Variants in TSHR observed in about 807,000 individuals in gnomAD.
The protein encoded by TSHR is thyroid stimulating hormone receptor, also known as thyrotropin receptor.
TSHR carries 51 observed loss-of-function variants against 64.1 expected under a neutral mutation model. The ratio of observed to expected loss-of-function variants is 0.80; its 90% CI spans 0.64 to 1.01. The LOEUF is 1.01. Ranked by LOEUF, TSHR falls within the 50% of genes least tolerant of loss-of-function variation. The pLI is 0.00. For missense variants in TSHR, 877 were observed against 942.8 expected (o/e 0.93, Z 0.91); for synonymous variants, 361 against 361.9 (o/e 1.00, Z 0.03).
intron 2 of TSHR, among the ~76,000 whole-genome samples, chr14:81,063,067 A>G (rs1224716780): frequency 3.9e-5 from 6 of 152,170 alleles, no homozygotes; most frequent in Admixed American, 3.9e-4. Context: ...TCTACAGTTC[A>G]TAGGACAGTC....
intron 8 of TSHR, among the ~76,000 whole-genome samples, chr14:81,136,835 TATACTC>T (rs1212174528): frequency 6.6e-6 from 1 of 152,204 alleles, no homozygotes; most frequent in African/African-American, 2.4e-5. Flanking sequence ...TGTCATTACA[TATACTC>T]AGACAAACTT....
chr14:81,054,332 C>T (rs556544047), intron 1 of TSHR, among the ~76,000 whole-genome samples: 27 of 152,278 alleles, frequency 1.8e-4, no homozygotes, highest in Middle Eastern at 3.4e-3. Context: ...TCTTTTTCTT[C>T]CCAGTCTTGG....
intron 1 of TSHR, chr14:81,013,572 C>A (rs1890033931): frequency 6.6e-6 from 1 of 152,104 alleles, no homozygotes; most frequent in Non-Finnish European, 1.5e-5. Flanking sequence ...AGTTTTCCAG[C>A]CAATAAAAAT....
intron 3 of TSHR, among the ~76,000 whole-genome samples, chr14:81,070,646 A>T (rs2139917536): frequency 6.6e-6 from 1 of 150,538 alleles, no homozygotes; most frequent in Non-Finnish European, 1.5e-5. Flanking sequence ...AAAAAAAAAA[A>T]AAAAAGCAGC....
intron 9 of TSHR, among the ~76,000 whole-genome samples, chr14:81,142,114 G>A (rs1314968659): frequency 6.6e-6 from 1 of 152,000 alleles, no homozygotes; most frequent in Non-Finnish European, 1.5e-5. Context: ...GTCTCACTCT[G>A]TCGCCACTCA....
At chr14:81,063,073 C>G (rs1454350996) in intron 2 of TSHR, among the ~76,000 whole-genome samples, 3 of 152,146 alleles carry the variant, frequency 2.0e-5, no homozygotes, top group African/African-American at 4.8e-5. Flanking sequence ...GTTCATAGGA[C>G]AGTCCCCACA....
intron 1 of TSHR, among the ~76,000 whole-genome samples, chr14:81,059,240 GA>G (rs1886049045): frequency 6.6e-6 from 1 of 152,054 alleles, no homozygotes; most frequent in Non-Finnish European, 1.5e-5. Flanking sequence ...TATTTGAAGG[GA>G]AATAGATACC....
At chr14:81,036,135 A>G (rs1418286284) in intron 1 of TSHR, among the ~76,000 whole-genome samples, 2 of 152,206 alleles carry the variant, frequency 1.3e-5, no homozygotes, top group African/African-American at 2.4e-5. Context: ...TGGGATTTCC[A>G]TAGGACAAAG....
In TSHR at chr14:81,145,078, C is replaced by G; in HGVS notation, c.*725C>G. The G allele has an allele frequency of 4.3e-6, 1 of 233,254 alleles. No homozygotes were observed. The highest frequency in any genetic ancestry group is 8.5e-6 in the Non-Finnish European group (1 of 118,066). The allele number at this position is 233,254 out of a possible 1,614,324, so 14.4% of individuals were successfully genotyped here. A position where few individuals can be genotyped will look rare whatever the true frequency, so the allele number is the denominator to read the frequency against. On this transcript the variant is annotated 3_prime_UTR_variant, in exon 10 of 10. Coordinates refer to ENST00000298171, the MANE Select transcript of TSHR (RefSeq NM_000369.5). Reference sequence around the variant, plus strand: ...CTAAGAATTGCTCTTCTTGGCCAGCCTCATAGCATAAAAGATGTGAACTCT... The same window carrying G: ...CTAAGAATTGCTCTTCTTGGCCAGCGTCATAGCATAAAAGATGTGAACTCT...
chr14:81,077,620 T>A (rs1451478014), intron 3 of TSHR, among the ~76,000 whole-genome samples: 2 of 152,218 alleles, frequency 1.3e-5, no homozygotes, highest in African/African-American at 4.8e-5. Context: ...CAGAATTGGA[T>A]CTTGCTTTTA....
intron 1 of TSHR, among the ~76,000 whole-genome samples, chr14:81,043,113 A>C (rs971183603): frequency 6.6e-6 from 1 of 152,212 alleles, no homozygotes. Context: ...AAAGAAATAA[A>C]GAGTATTCAG....
chr14:81,033,046 A>C, intron 1 of TSHR: 1 of 359,108 alleles, frequency 2.8e-6, no homozygotes, highest in South Asian at 3.1e-5. Context: ...TTTCTGGAAG[A>C]GTGAAGACAT....
At chr14:81,126,256 G>T (rs895206930) in intron 8 of TSHR, among the ~76,000 whole-genome samples, 6 of 152,208 alleles carry the variant, frequency 3.9e-5, no homozygotes, top group Admixed American at 3.9e-4. Context: ...GGATAAAGCA[G>T]TTAGTGCAAA....
At chr14:81,005,252 C>T (rs1364136858) in intron 1 of TSHR, among the ~76,000 whole-genome samples, 1 of 142,776 alleles carries the variant, frequency 7.0e-6, no homozygotes, top group Admixed American at 6.8e-5. Flanking sequence ...CACGCACGCA[C>T]GTGTATCTCT....
intron 1 of TSHR, among the ~76,000 whole-genome samples, chr14:81,015,114 T>A (rs771944208): frequency 6.6e-6 from 1 of 152,132 alleles, no homozygotes. Flanking sequence ...CTAAGCCACA[T>A]GTTATTTTTT....
intron 8 of TSHR, among the ~76,000 whole-genome samples, chr14:81,109,962 C>T (rs1029366136): frequency 1.3e-5 from 2 of 152,154 alleles, no homozygotes; most frequent in Non-Finnish European, 2.9e-5. Context: ...TTTATATCTG[C>T]TTCTTCAAGA....
At chr14:81,131,017 A>AAC (rs1374332148) in intron 8 of TSHR, among the ~76,000 whole-genome samples, 1 of 151,620 alleles carries the variant, frequency 6.6e-6, no homozygotes, top group Admixed American at 6.6e-5. Flanking sequence ...AAAAAAAAAA[A>AAC]AACACTGCTT....
In TSHR at chr14:80,955,726, C is replaced by A. The variant is rs778660440; in HGVS notation, c.46C>A (p.Pro16Thr). 1.1e-5 allele frequency: 18 copies of A among 1,614,172 alleles called. No homozygotes were observed. The South Asian group carries it at 2.0e-4, about 18-fold the overall frequency. Residue 16 changes from proline (P) to threonine (T), a missense_variant, in exon 1 of 10, where the codon CCC becomes ACC. Pro to Thr is a conservative substitution (Grantham distance 38, BLOSUM62 -1). Transcript: ENST00000298171. ...LLQLVLLLDL[P>T]RDLGGMGCSS... ...GCAGCTGGTGCTGCTGCTCGACCTGCCCAGGGACCTGGGCGGAATGGGGTG... is the reference window on the plus strand; with the variant it reads ...GCAGCTGGTGCTGCTGCTCGACCTGACCAGGGACCTGGGCGGAATGGGGTG...
At position 81,143,729 on chromosome 14, in the gene TSHR, G is replaced by A. The variant is rs1258636056; in HGVS notation, c.1671G>A (p.Leu557=). Residue 557 remains leucine (L), a synonymous_variant, in exon 10 of 10, where the codon TTG becomes TTA. Coordinates refer to ENST00000298171, the MANE Select transcript of TSHR (RefSeq NM_000369.5). ...VCCFLLALLP[L]VGISSYAKVS... ...GCTTCCTTCTCGCCCTGCTTCCTTT[G>A]GTGGGAATAAGTAGCTATGCCAAAG... 1 of 1,614,134 alleles carries A rather than the reference G, an allele frequency of 6.2e-7. No individual in the cohort carries two copies. The highest frequency in any genetic ancestry group is 1.7e-5 in the Admixed American group (1 of 60,028).
Sources: gnomAD v4.1 joint callset for allele counts (sites outside exome capture counted in the v4.1 genomes callset) on GRCh38, gnomAD v4.1.1 for gene constraint, MANE v1.5 for transcripts, NCBI Gene and HGNC (gene_info 2026-07-23, HGNC 2026-07-21) for gene names.